WASF3: variants seen among roughly 807,000 people sequenced by gnomAD.
WASF3 encodes actin-binding protein WASF3.
A neutral mutation model predicts 46.6 loss-of-function variants in WASF3; 11 were observed. The ratio of observed to expected loss-of-function variants is 0.24; its 90% confidence interval spans 0.15 to 0.39. The LOEUF is 0.39. Ranked by LOEUF, WASF3 falls within the 10% of genes least tolerant of loss-of-function variation. WASF3 has a pLI of 1.00. For missense variants in WASF3, 576 were observed against 669.8 expected (o/e 0.86, Z 1.55); for synonymous variants, 242 against 259.7 (o/e 0.93, Z 0.65).
chr13:26,599,726 C>G (rs1473465404), intron 1 of WASF3, among the ~76,000 whole-genome samples: 1 of 152,212 alleles, frequency 6.6e-6, no homozygotes, highest in Non-Finnish European at 1.5e-5. Context: ...CTGTGGATTA[C>G]TACTTTGCCT....
At chr13:26,554,016 C>CCTT (rs1555245899), upstream of WASF3, among the ~76,000 whole-genome samples, 1 of 79,184 alleles carries the variant, frequency 1.3e-5, no homozygotes, top group South Asian at 4.1e-4. Context: ...TCCTTTCCTT[C>CCTT]CCTTCCTTCC....
intron 1 of WASF3, chr13:26,609,278 A>G (rs1398394075): frequency 6.6e-6 from 1 of 152,194 alleles, no homozygotes; most frequent in African/African-American, 2.4e-5. Context: ...AAAATGCCCT[A>G]TAGTACAGAA....
rs1306002822 is a variant in WASF3, at chr13:26,613,057, T to C, written c.-12T>C. 1 of 152,102 alleles carries C rather than the reference T, an allele frequency of 6.6e-6. No homozygotes were observed. The highest frequency in any genetic ancestry group is 1.5e-5 in the Non-Finnish European group (1 of 68,024). 9.4% of individuals were successfully genotyped at this position (152,102 alleles called of 1,614,324 possible). ...CTGCAACCCATAGTCAACGATTACA[T>C]GGTAAGAGTGTGTGCCTTTTACCCT... On this transcript the variant is annotated splice_region_variant and 5_prime_UTR_variant, in exon 2 of 10. The change abolishes an upstream ATG in the 5' untranslated region. Transcript: ENST00000335327.
chr13:26,608,703 A>G (rs1156551877), intron 1 of WASF3, among the ~76,000 whole-genome samples: 1 of 152,180 alleles, frequency 6.6e-6, no homozygotes, highest in African/African-American at 2.4e-5. Context: ...GGGGTATCGA[A>G]GCTCAGGTAG....
rs189091909 is a variant in WASF3, at chr13:26,652,219, A to G, written c.133+9816A>G. Among the ~76,000 whole-genome samples, 235 of 152,356 alleles carry G rather than the reference A, an allele frequency of 1.5e-3. 1 individual carries two copies. Among genetic ancestry groups the G allele is most frequent in the African/African-American group, 5.6e-3 (231 of 41,584 alleles). On this transcript the variant is annotated intron_variant, in intron 3 of 9. Coordinates refer to ENST00000335327, the MANE Select transcript of WASF3 (RefSeq NM_006646.6). The stretch of plus-strand genomic sequence containing the variant: ...TAATGAAAAAATATGCCCTGCAAAC[A>G]CAAGTTATAAGAAAGCTGGTGTGGT...
chr13:26,643,248 A>G (rs1882053180), intron 3 of WASF3, among the ~76,000 whole-genome samples: 1 of 152,130 alleles, frequency 6.6e-6, no homozygotes, highest in Non-Finnish European at 1.5e-5. Context: ...TTTTGGTGAC[A>G]GGTTTTCACA....
At chr13:26,554,092 C>CTCTCTTTCT (rs1879037754), upstream of WASF3, among the ~76,000 whole-genome samples, 1 of 23,262 alleles carries the variant, frequency 4.3e-5, no homozygotes, top group African/African-American at 1.7e-4. Context: ...TCCTTCCTTC[C>CTCTCTTTCT]TTCCTTCTTT....
chr13:26,664,074 T>C (rs1461774829), intron 3 of WASF3, among the ~76,000 whole-genome samples: 2 of 152,176 alleles, frequency 1.3e-5, no homozygotes, highest in Non-Finnish European at 2.9e-5. Flanking sequence ...CACAGTCTCA[T>C]GGATTATAGC....
intron 6 of WASF3, among the ~76,000 whole-genome samples, chr13:26,676,309 C>T (rs1328239723): frequency 1.3e-5 from 2 of 152,088 alleles, no homozygotes; most frequent in Non-Finnish European, 2.9e-5. Flanking sequence ...TTAATGAAAA[C>T]GATGGTAAGC....
chr13:26,647,714 C>A (rs1882191563), intron 3 of WASF3, among the ~76,000 whole-genome samples: 1 of 151,316 alleles, frequency 6.6e-6, no homozygotes, highest in African/African-American at 2.4e-5. Context: ...CCATAAAATT[C>A]TTCTCAGGAT....
At chr13:26,636,234 CT>C (rs1174081083) in intron 2 of WASF3, among the ~76,000 whole-genome samples, 1 of 147,268 alleles carries the variant, frequency 6.8e-6, no homozygotes, top group African/African-American at 2.6e-5. Flanking sequence ...GCCCCTCCCC[CT>C]GTCAGGCTGC....
At chr13:26,594,975 C>T (rs1025809404) in intron 1 of WASF3, among the ~76,000 whole-genome samples, 1 of 152,204 alleles carries the variant, frequency 6.6e-6, no homozygotes, top group African/African-American at 2.4e-5. Flanking sequence ...CAACAACTTC[C>T]TTTTCTGTAT....
chr13:26,610,528 T>C (rs1422605927), intron 1 of WASF3, among the ~76,000 whole-genome samples: 19 of 152,166 alleles, frequency 1.2e-4, no homozygotes, highest in Non-Finnish European at 1.2e-4. Context: ...GGTAGAGGCA[T>C]GGATGGATGG....
chr13:26,669,540 C>T (rs545877236), intron 5 of WASF3, among the ~76,000 whole-genome samples: 1 of 150,916 alleles, frequency 6.6e-6, no homozygotes, highest in African/African-American at 2.4e-5. Context: ...CGAAGTTTTG[C>T]TTCACTCTTG....
chr13:26,577,546 C>G, intron 1 of WASF3: 1 of 1,329,296 alleles, frequency 7.5e-7, no homozygotes. Context: ...TGAAGAAGCC[C>G]AAGTTTGAAT....
chr13:26,683,636 TAA>T (rs1275102008), intron 9 of WASF3, among the ~76,000 whole-genome samples: 2 of 146,076 alleles, frequency 1.4e-5, no homozygotes, highest in Non-Finnish European at 1.5e-5. Context: ...ATGATTTCTT[TAA>T]AAAAAAAAAA....
intron 1 of WASF3, among the ~76,000 whole-genome samples, chr13:26,558,299 C>T (rs1257149221): frequency 6.6e-6 from 1 of 152,096 alleles, no homozygotes; most frequent in Admixed American, 6.5e-5. Context: ...CCCCCCGGCC[C>T]CATTCGGCCC....
rs373519573 is a variant in WASF3 at position 26,682,816 on chromosome 13, C to T, written c.1193C>T (p.Pro398Leu). The stretch of plus-strand genomic sequence containing the variant: ...CTCCTGGTCACAGCCCCGCCACCCC[C>T]GGGCCCACCACCTCCCCCGCCAGGC... ...TGLLVTAPPP[P>L]GPPPPPPGPP... The change falls in exon 9 of 10, where the codon CCG (proline) becomes CTG (leucine). Residue 398 changes from proline (P) to leucine (L), a missense_variant. By Grantham distance (98) the Pro-to-Leu change is moderately conservative. Around this residue, in one of 3 missense-constraint regions of WASF3, gnomAD observed 295 missense variants for 291.5 expected, o/e 1.01. Transcript: ENST00000335327. The surrounding 1 kb of genome is among the most constrained non-coding windows in gnomAD (Gnocchi z 4.4). 106 of 1,610,706 alleles carry T rather than the reference C, an allele frequency of 6.6e-5. No homozygotes were observed. Among genetic ancestry groups the T allele is most frequent in the Middle Eastern group, 1.7e-4 (1 of 6,050 alleles).
chr13:26,675,637 A>G (rs9551304), intron 6 of WASF3, among the ~76,000 whole-genome samples: 148,346 of 151,362 alleles, frequency 0.98, 72,766 homozygotes, highest in East Asian at 1. Context: ...CTCCATGAGC[A>G]CAGATGCCAT....
Sources: allele counts gnomAD v4.1 joint callset (sites outside exome capture counted in the v4.1 genomes callset), GRCh38; gene constraint gnomAD v4.1.1; regional missense constraint gnomAD v4.1.1; non-coding constraint Gnocchi (gnomAD v3.1); transcripts MANE v1.5; gene names NCBI Gene and HGNC (gene_info 2026-07-23, HGNC 2026-07-21).